Variants in SLC25A26 observed in about 807,000 individuals in gnomAD.
SLC25A26 encodes mitochondrial S-adenosylmethionine carrier protein.
A neutral mutation model predicts 37.8 loss-of-function variants in SLC25A26; 36 were observed. That is an observed-to-expected ratio of 0.95 (90% CI 0.73 to 1.26). The LOEUF is 1.26. Ranked by LOEUF, SLC25A26 falls within the 50% of genes most tolerant of loss-of-function variation. The pLI is 0.00. For synonymous variants in SLC25A26, 129 were observed against 122.5 expected (o/e 1.05, Z -0.35); for missense variants, 390 against 331.1 (o/e 1.18, Z -1.38).
chr3:66,149,452 G>A (rs1472162263), intron 1 of SLC25A26, among the ~76,000 whole-genome samples: 1 of 152,150 alleles, frequency 6.6e-6, no homozygotes, highest in East Asian at 1.9e-4. Context: ...AATTTTCTTT[G>A]CCTCATATGT....
chr3:66,150,495 C>G (rs2070182663), intron 1 of SLC25A26, among the ~76,000 whole-genome samples: 1 of 101,206 alleles, frequency 9.9e-6, no homozygotes, highest in African/African-American at 4.1e-5. Flanking sequence ...AAGACTCTAT[C>G]TCAAGACAAA....
intron 5 of SLC25A26, among the ~76,000 whole-genome samples, chr3:66,300,949 G>A (rs1448697829): frequency 6.6e-6 from 1 of 152,112 alleles, no homozygotes; most frequent in Non-Finnish European, 1.5e-5. Context: ...GGATTTCTAA[G>A]CAGATTTGGG....
At chr3:66,304,970 A>G (rs144633428) in intron 5 of SLC25A26, among the ~76,000 whole-genome samples, 2,777 of 152,270 alleles carry the variant, frequency 0.018, 50 homozygotes, top group Middle Eastern at 0.11. Context: ...GTATCTTGTG[A>G]TTTATTTTTT....
chr3:66,158,868 C>A (rs553954356), intron 1 of SLC25A26, among the ~76,000 whole-genome samples: 11 of 152,172 alleles, frequency 7.2e-5, no homozygotes, highest in South Asian at 2.1e-4. Flanking sequence ...GTTCCTGAAG[C>A]CTGCTAAGAG....
intron 3 of SLC25A26, 79 bp from the exon 4 acceptor site, chr3:66,261,972 A>G (rs2073546762): frequency 1.3e-6 from 1 of 788,090 alleles, no homozygotes; most frequent in Non-Finnish European, 2.1e-6. Flanking sequence ...CCTTTTTACT[A>G]CAATTTTTGC....
At chr3:66,321,055 G>A (rs1305586770) in intron 5 of SLC25A26, among the ~76,000 whole-genome samples, 1 of 152,074 alleles carries the variant, frequency 6.6e-6, no homozygotes, top group East Asian at 1.9e-4. Context: ...GATGGGATTA[G>A]CATCTTTATA....
intron 3 of SLC25A26, among the ~76,000 whole-genome samples, chr3:66,253,048 C>A (rs1576720510): frequency 7.3e-6 from 1 of 136,630 alleles, no homozygotes; most frequent in South Asian, 2.5e-4. Flanking sequence ...TAAATATGTC[C>A]TAGTCCCCAA....
intron 1 of SLC25A26, among the ~76,000 whole-genome samples, chr3:66,227,936 T>C (rs536324787): frequency 2.0e-5 from 3 of 152,322 alleles, no homozygotes; most frequent in African/African-American, 7.2e-5. Flanking sequence ...CTCTTATCTT[T>C]TCTGGATAGT....
intron 5 of SLC25A26, among the ~76,000 whole-genome samples, chr3:66,303,197 C>T (rs941105154): frequency 1.3e-5 from 2 of 152,202 alleles, no homozygotes; most frequent in African/African-American, 4.8e-5. Flanking sequence ...CTTTGTACTC[C>T]ACTTTTCTAA....
Position 66,330,636 on chromosome 3 carries a change from G to A in SLC25A26, c.454-15728G>A, listed in dbSNP as rs192124822. ...GTGATCCTTAAGTAAATAGACAAATGGTGGGGTGGGGGGAGTGGGTAGGCA... is the reference window on the plus strand; with the variant it reads ...GTGATCCTTAAGTAAATAGACAAATAGTGGGGTGGGGGGAGTGGGTAGGCA... On this transcript the variant is annotated intron_variant, in intron 5 of 9. Coordinates refer to ENST00000354883, the MANE Select transcript of SLC25A26 (RefSeq NM_001379210.1). 2.1e-5 allele frequency among the ~76,000 whole-genome samples: 3 copies of A among 145,958 alleles called. No homozygotes were observed. The Admixed American group carries it at 2.1e-4, about 10-fold the overall frequency.
chr3:66,282,625 GA>G (rs930964503), intron 5 of SLC25A26, among the ~76,000 whole-genome samples: 231 of 151,266 alleles, frequency 1.5e-3, no homozygotes, highest in African/African-American at 5.2e-3. Context: ...TTATTGGGCA[GA>G]AAAAAAAATT....
chr3:66,237,752 A>C (rs781969102), intron 2 of SLC25A26, among the ~76,000 whole-genome samples: 1 of 152,252 alleles, frequency 6.6e-6, no homozygotes, highest in Non-Finnish European at 1.5e-5. Context: ...AACTAAAGCA[A>C]CAAAACAAAA....
chr3:66,314,860 A>G (rs1305823513), intron 5 of SLC25A26, among the ~76,000 whole-genome samples: 2 of 151,110 alleles, frequency 1.3e-5, no homozygotes, highest in African/African-American at 4.9e-5. Flanking sequence ...GGGAGGGTTT[A>G]TGTGTCCAGG....
rs368045591 is a variant in SLC25A26, at chr3:66,377,763, C to G, written c.781C>G (p.Arg261Gly). 6.2e-6 allele frequency: 10 copies of G among 1,613,780 alleles called. No individual in the cohort carries two copies. The African/African-American group carries it at 1.2e-4, about 19-fold the overall frequency. The change falls in exon 10 of 10, where the codon CGA becomes GGA. Residue 261 changes from arginine to glycine, a missense_variant. Physicochemically the swap from Arg to Gly is moderately radical, Grantham distance 125 (BLOSUM62 -2). Transcript: ENST00000354883. Reference sequence around the variant, plus strand: ...TTTCATCTTTCTGGGGGCTTATGACCGAACGCACAGCTTGCTGTTGGAAGT... The same window carrying G: ...TTTCATCTTTCTGGGGGCTTATGACGGAACGCACAGCTTGCTGTTGGAAGT... ...GGFIFLGAYDRTHSLLLEVGR... is the reference protein window; with the variant it reads ...GGFIFLGAYDGTHSLLLEVGR...
At chr3:66,313,660 G>A (rs934077749) in intron 5 of SLC25A26, among the ~76,000 whole-genome samples, 1 of 152,142 alleles carries the variant, frequency 6.6e-6, no homozygotes, top group Admixed American at 6.5e-5. Context: ...TGTGAAGAAT[G>A]TTAATGGTAG....
chr3:66,193,990 C>G (rs1219459453), intron 1 of SLC25A26, among the ~76,000 whole-genome samples: 1 of 152,102 alleles, frequency 6.6e-6, no homozygotes, highest in East Asian at 1.9e-4. Flanking sequence ...TGGAGCTTAA[C>G]GAAAATTCTT....
At chr3:66,271,313 A>G (rs1273745467) in intron 5 of SLC25A26, among the ~76,000 whole-genome samples, 2 of 152,178 alleles carry the variant, frequency 1.3e-5, no homozygotes, top group East Asian at 3.8e-4. Context: ...AAATCTGAAG[A>G]TGATCATTCT....
At chr3:66,154,734 G>C (rs1056904184) in intron 1 of SLC25A26, among the ~76,000 whole-genome samples, 1 of 151,968 alleles carries the variant, frequency 6.6e-6, no homozygotes, top group African/African-American at 2.4e-5. Flanking sequence ...CACCCGCCAC[G>C]GCCTCCCAAA....
intron 5 of SLC25A26, among the ~76,000 whole-genome samples, chr3:66,319,271 G>A (rs973145425): frequency 2.0e-5 from 3 of 151,460 alleles, no homozygotes; most frequent in Admixed American, 1.3e-4. Flanking sequence ...TCTTTTTAAC[G>A]TACCCAAAGT....
Sources: allele counts gnomAD v4.1 joint callset (sites outside exome capture counted in the v4.1 genomes callset), GRCh38; gene constraint gnomAD v4.1.1; transcripts MANE v1.5; gene names NCBI Gene and HGNC (gene_info 2026-07-23, HGNC 2026-07-21).